GUK1: variants seen among roughly 807,000 people sequenced by gnomAD.
The protein encoded by GUK1 is guanylate kinase 1, also known as guanylate kinase.
A neutral mutation model predicts 25.2 loss-of-function variants in GUK1; 18 were observed. The observed-to-expected ratio is 0.71, with a 90% CI of 0.49 to 1.06. The LOEUF is 1.06. Among genes scored for constraint, GUK1 ranks in the 50% least tolerant of loss-of-function variants. GUK1 has a pLI of 0.00. For synonymous variants in GUK1, 105 were observed against 117.6 expected, an observed-to-expected ratio of 0.89 and a Z score of 0.69; for missense variants, 261 against 276.7, an observed-to-expected ratio of 0.94 and a Z score of 0.40.
intron 1 of GUK1, 75 bp downstream of exon 1, chr1:228,140,438 A>G: frequency 9.5e-7 from 1 of 1,052,470 alleles, no homozygotes; most frequent in South Asian, 1.7e-5. Context: ...GCGGTCGCCC[A>G]GTCCACGCCG....
rs542954199 is a variant in GUK1 at position 228,145,679 on chromosome 1, C to T, written c.112+55C>T. The T allele has an allele frequency of 2.2e-5, 34 of 1,575,590 alleles. 2 individuals are homozygous for T. In the South Asian group the frequency reaches 3.7e-4, roughly 17 times the overall value. ...GTAGACCTCAAGGCTGCTGAGTAGT[C>T]CTAGCACCGTGAGCAGGCCAGGAGC... On this transcript the variant is annotated intron_variant, in intron 3 of 8. Transcript: ENST00000312726.
rs1359211798 is a variant in GUK1 at position 228,141,122 on chromosome 1, A to G, written c.-167-2A>G. The stretch of plus-strand genomic sequence containing the variant: ...TGGGCTCATGGCCCCTTCCTGTCTC[A>G]GGCTTGCTCTGCTCTTTACCTGGGG... On this transcript the variant is annotated splice_acceptor_variant, in intron 1 of 8. Coordinates refer to ENST00000312726, the MANE Select transcript of GUK1 (RefSeq NM_000858.7). LOFTEE classifies it low-confidence loss of function (5UTR_SPLICE). 1.2e-5 allele frequency: 12 copies of G among 985,210 alleles called. No individual in the cohort carries two copies. The South Asian group carries it at 4.2e-4, about 35-fold the overall frequency. The allele number at this position is 985,210 out of a possible 1,614,324, so 61.0% of individuals were successfully genotyped here. A position where few individuals can be genotyped will look rare whatever the true frequency, so the allele number is the denominator to read the frequency against.
At position 228,147,649 on chromosome 1, in the gene GUK1, A is replaced by T; in HGVS notation, c.425A>T (p.Glu142Val). The change falls in exon 7 of 9, where the codon GAG becomes GTG. Residue 142 changes from glutamate (E) to valine (V), a missense_variant. By Grantham distance (121) the Glu-to-Val change is moderately radical. Coordinates refer to ENST00000312726, the MANE Select transcript of GUK1 (RefSeq NM_000858.7). ...CTGCGGCAGCGCAACACTGAAACCG[A>T]GGAGAGCCTGGTGAAGCGGCTGGCT... 6.2e-7 allele frequency: 1 copy of T among 1,613,020 alleles called. No homozygotes were observed. Among genetic ancestry groups the T allele is most frequent in the Non-Finnish European group, 8.5e-7 (1 of 1,179,968 alleles).
intron 2 of GUK1, chr1:228,141,889 G>C (rs1373800584): frequency 1.4e-5 from 11 of 769,728 alleles, no homozygotes; most frequent in African/African-American, 1.9e-5. Flanking sequence ...GTTTGCGACT[G>C]TGGGTTGGTG....
At position 228,147,403 on chromosome 1, in the gene GUK1, C is replaced by G. The variant is rs879051700; in HGVS notation, c.252-3C>G. 1 of 1,609,050 alleles carries G rather than the reference C, an allele frequency of 6.2e-7. No homozygotes were observed. The highest frequency in any genetic ancestry group is 1.3e-5 in the African/African-American group (1 of 74,986). The stretch of plus-strand genomic sequence containing the variant: ...CCCCTGCTGACCTGGCACCTCTCCC[C>G]AGCAAGGTGGCGGTGCAGGCCGTGC... On this transcript the variant is annotated splice_polypyrimidine_tract_variant and splice_region_variant and intron_variant, in intron 5 of 8. Coordinates refer to ENST00000312726, the MANE Select transcript of GUK1 (RefSeq NM_000858.7).
intron 2 of GUK1, among the ~76,000 whole-genome samples, chr1:228,144,066 G>A (rs756327657): frequency 4.8e-5 from 7 of 145,228 alleles, no homozygotes; most frequent in Non-Finnish European, 7.9e-5. Flanking sequence ...CTTGGTGTGC[G>A]TGCATTTGTG....
intron 5 of GUK1, 139 bp from the exon 5 acceptor site, chr1:228,147,265 CTG>C: frequency 1.3e-6 from 1 of 772,612 alleles, no homozygotes; most frequent in South Asian, 1.8e-5. Flanking sequence ...GTTTGAGATG[CTG>C]TCGGGTGCTG....
Position 228,147,491 on chromosome 1 carries a change from A to T in GUK1, c.337A>T (p.Thr113Ser). Residue 113 changes from threonine to serine, a missense_variant, in exon 6 of 9, where the codon ACC becomes TCC. Physicochemically the swap from Thr to Ser is moderately conservative, Grantham distance 58. Transcript: ENST00000312726. ...GCAGGGTGTGCGGAACATCAAGGCC[A>T]CCGATCTGCGGCCCATCTACATCTC... 1 of 1,613,170 alleles carries T rather than the reference A, an allele frequency of 6.2e-7. No individual in the cohort carries two copies. The highest frequency in any genetic ancestry group is 8.5e-7 in the Non-Finnish European group (1 of 1,179,912).
intron 4 of GUK1, chr1:228,146,378 G>A (rs2034373225): frequency 4.0e-6 from 2 of 504,124 alleles, no homozygotes; most frequent in Admixed American, 6.9e-5. Context: ...CTTTTGAGCT[G>A]TCTTCTGGAG....
intron 2 of GUK1, among the ~76,000 whole-genome samples, chr1:228,142,423 G>C (rs1347219399): frequency 6.6e-6 from 1 of 152,298 alleles, no homozygotes; most frequent in Admixed American, 6.5e-5. Flanking sequence ...CTGCCTGGCA[G>C]CAGCTGGGTG....
At position 228,147,500 on chromosome 1, in the gene GUK1, C is replaced by G. The variant is rs776681463; in HGVS notation, c.346C>G (p.Arg116Gly). ...GCGGAACATCAAGGCCACCGATCTG[C>G]GGCCCATCTACATCTCTGTGCAGCC... Residue 116 changes from arginine to glycine, a missense_variant, in exon 6 of 9, where the codon CGG (arginine) becomes GGG (glycine). Coordinates refer to ENST00000312726, the MANE Select transcript of GUK1 (RefSeq NM_000858.7). 7 of 1,613,220 alleles carry G rather than the reference C, an allele frequency of 4.3e-6. No individual in the cohort carries two copies. The highest frequency in any genetic ancestry group is 5.9e-6 in the Non-Finnish European group (7 of 1,179,908).
intron 3 of GUK1, 72 bp downstream of exon 2, chr1:228,145,696 G>A (rs770886564): frequency 1.5e-5 from 23 of 1,538,256 alleles, no homozygotes; most frequent in Non-Finnish European, 1.8e-5. Context: ...CCGTGAGCAG[G>A]CCAGGAGCCC....
At chr1:228,142,084 G>T (rs750899997) in intron 2 of GUK1, among the ~76,000 whole-genome samples, 1 of 152,232 alleles carries the variant, frequency 6.6e-6, no homozygotes, top group Non-Finnish European at 1.5e-5. Flanking sequence ...TTTGGTGACC[G>T]CCCTGCCACT....
intron 5 of GUK1, 122 bp from the exon 5 acceptor site, chr1:228,147,283 AG>A: frequency 1.1e-6 from 1 of 942,812 alleles, no homozygotes; most frequent in Non-Finnish European, 1.6e-6. Context: ...TGCTGGGTCC[AG>A]GCCAGGCCTA....
chr1:228,142,265 C>T (rs895637190), intron 2 of GUK1, among the ~76,000 whole-genome samples: 4 of 152,260 alleles, frequency 2.6e-5, no homozygotes, highest in Admixed American at 2.6e-4. Flanking sequence ...TGGGCAGAGC[C>T]GAACTCAGGG....
intron 5 of GUK1, 58 bp from the exon 5 acceptor site, chr1:228,147,348 A>G: frequency 6.5e-7 from 1 of 1,540,372 alleles, no homozygotes; most frequent in East Asian, 2.3e-5. Flanking sequence ...GTGTCCCTGA[A>G]GCTCCTGTAG....
At chr1:228,140,195 G>A, upstream of GUK1, 1 of 896,478 alleles carries the variant, frequency 1.1e-6, no homozygotes, top group Non-Finnish European at 1.7e-6. Context: ...AAGAACGAGT[G>A]AGACATGGGC....
chr1:228,145,654 G>A (rs369835349), intron 3 of GUK1, 30 bp downstream of exon 2: 26 of 1,605,292 alleles, frequency 1.6e-5, no homozygotes, highest in South Asian at 2.2e-5. Flanking sequence ...GGAGGGGTGC[G>A]TAGACCTCAA....
In GUK1 at chr1:228,140,371, C is replaced by A. The variant is rs1196914425; in HGVS notation, c.-168+8C>A. 3 of 1,507,176 alleles carry A rather than the reference C, an allele frequency of 2.0e-6. No homozygotes were observed. Among genetic ancestry groups the A allele is most frequent in the South Asian group, 2.5e-5 (2 of 81,314 alleles). The allele number at this position is 1,507,176 out of a possible 1,614,324, so 93.4% of individuals were successfully genotyped here. On this transcript the variant is annotated splice_region_variant and intron_variant, in intron 1 of 8. Coordinates refer to ENST00000312726, the MANE Select transcript of GUK1 (RefSeq NM_000858.7). Reference sequence around the variant, plus strand: ...GCCGGGCCCCACCGGACGGTGAGTACGACAAGCGCGATCGCGAGGGTGACT... The same window carrying A: ...GCCGGGCCCCACCGGACGGTGAGTAAGACAAGCGCGATCGCGAGGGTGACT...
Sources: allele counts gnomAD v4.1 joint callset (sites outside exome capture counted in the v4.1 genomes callset), GRCh38; gene constraint gnomAD v4.1.1; transcripts MANE v1.5; gene names NCBI Gene and HGNC (gene_info 2026-07-23, HGNC 2026-07-21).